GBF1: variants seen among roughly 807,000 people sequenced by gnomAD.
GBF1 encodes Golgi-specific brefeldin A-resistance guanine nucleotide exchange factor 1.
Under a neutral mutation model 210.5 loss-of-function variants are expected in GBF1, and 114 were observed. The observed-to-expected ratio is 0.54, with a 90% CI of 0.47 to 0.63. The LOEUF (loss-of-function observed/expected upper bound fraction) is 0.63. Among genes scored for constraint, GBF1 ranks in the 30% least tolerant of loss-of-function variants. The pLI is 0.00. For synonymous variants in GBF1, 850 were observed against 889.2 expected, an observed-to-expected ratio of 0.96 and a Z score of 0.78; for missense variants, 1,851 against 2,357.7, an observed-to-expected ratio of 0.79 and a Z score of 4.45.
intron 1 of GBF1, among the ~76,000 whole-genome samples, chr10:102,256,534 G>C (rs888692788): frequency 9.1e-5 from 8 of 88,360 alleles, no homozygotes; most frequent in African/African-American, 3.9e-4. Flanking sequence ...TTTTTTTTTT[G>C]GGATGGAGTC....
intron 3 of GBF1, among the ~76,000 whole-genome samples, chr10:102,308,201 T>TAAA (rs11440668): frequency 0.31 from 38,170 of 122,872 alleles, 6,619 homozygotes; most frequent in South Asian, 0.45. Flanking sequence ...TCACAGAAGC[T>TAAA]AAAAAAAAAA....
intron 3 of GBF1, among the ~76,000 whole-genome samples, chr10:102,284,719 A>C (rs2075798775): frequency 6.6e-6 from 1 of 152,140 alleles, no homozygotes; most frequent in African/African-American, 2.4e-5. Context: ...TAGTGCTGCT[A>C]GGGACATGTG....
chr10:102,313,249 T>C (rs2078639014), intron 3 of GBF1, among the ~76,000 whole-genome samples: 1 of 152,198 alleles, frequency 6.6e-6, no homozygotes, highest in Admixed American at 6.5e-5. Context: ...AACTACAAGT[T>C]TCATGTTCTT....
intron 3 of GBF1, among the ~76,000 whole-genome samples, chr10:102,286,947 G>A (rs2076001363): frequency 1.3e-5 from 2 of 152,110 alleles, no homozygotes; most frequent in Admixed American, 1.3e-4. Flanking sequence ...ATAATTACTG[G>A]GAGGGGACTG....
chr10:102,301,818 C>G (rs1413718222), intron 3 of GBF1, among the ~76,000 whole-genome samples: 1 of 144,508 alleles, frequency 6.9e-6, no homozygotes, highest in East Asian at 2.0e-4. Flanking sequence ...ACATCCCAGA[C>G]GATGGGCGGC....
intron 3 of GBF1, among the ~76,000 whole-genome samples, chr10:102,308,588 A>C (rs1456957966): frequency 1.3e-5 from 2 of 152,060 alleles, no homozygotes; most frequent in Admixed American, 6.6e-5. Flanking sequence ...ACATGGATGA[A>C]ATTGGAAATC....
intron 29 of GBF1, among the ~76,000 whole-genome samples, chr10:102,374,941 C>T (rs1054037644): frequency 2.6e-5 from 4 of 151,772 alleles, no homozygotes; most frequent in African/African-American, 9.7e-5. Context: ...GAGGCTGAGA[C>T]GGGAAGATCG....
At chr10:102,287,344 C>CTTTTTTTTTTTTTTTTTTT (rs763880492) in intron 3 of GBF1, among the ~76,000 whole-genome samples, 23 of 69,522 alleles carry the variant, frequency 3.3e-4, no homozygotes, top group African/African-American at 1.3e-3. Context: ...ATTTTATTTT[C>CTTTTTTTTTTTTTTTTTTT]TTTTTTTTTT....
intron 3 of GBF1, among the ~76,000 whole-genome samples, chr10:102,337,379 A>AC (rs2057839776): frequency 6.6e-6 from 1 of 150,716 alleles, no homozygotes; most frequent in Non-Finnish European, 1.5e-5. Flanking sequence ...CAAAAAAAAA[A>AC]AAAAAAACTA....
intron 1 of GBF1, among the ~76,000 whole-genome samples, chr10:102,249,779 C>T (rs2071278445): frequency 1.3e-5 from 2 of 151,614 alleles, no homozygotes; most frequent in Admixed American, 6.6e-5. Flanking sequence ...GCAACCTCCG[C>T]CTCCTGGGTT....
At chr10:102,300,980 T>TC (rs897895163) in intron 3 of GBF1, among the ~76,000 whole-genome samples, 16 of 150,838 alleles carry the variant, frequency 1.1e-4, no homozygotes, top group African/African-American at 2.7e-4. Flanking sequence ...TCTTTTCTTT[T>TC]TTTTTTTTTT....
intron 3 of GBF1, among the ~76,000 whole-genome samples, chr10:102,288,721 G>GT (rs2076174619): frequency 2.5e-5 from 2 of 79,980 alleles, no homozygotes; most frequent in Non-Finnish European, 2.9e-5. Flanking sequence ...CCGTCTCAAA[G>GT]GAAAAAAAAA....
intron 1 of GBF1, among the ~76,000 whole-genome samples, chr10:102,248,037 C>T (rs2071054243): frequency 6.6e-6 from 1 of 152,192 alleles, no homozygotes; most frequent in Admixed American, 6.5e-5. Flanking sequence ...AGACACAGCT[C>T]TTGCTTTTGA....
chr10:102,236,356 G>T, the GBF1 span, among the ~76,000 whole-genome samples: 1 of 152,338 alleles, frequency 6.6e-6, no homozygotes, highest in South Asian at 2.1e-4. Context: ...AGAGTCAGAA[G>T]ATAACAGTGA....
intron 3 of GBF1, among the ~76,000 whole-genome samples, chr10:102,302,062 A>T (rs1336660597): frequency 6.6e-6 from 1 of 152,250 alleles, no homozygotes; most frequent in Non-Finnish European, 1.5e-5. Flanking sequence ...TAGGAGCTGG[A>T]GACCAGCCCG....
intron 3 of GBF1, among the ~76,000 whole-genome samples, chr10:102,288,486 C>T (rs533125775): frequency 9.9e-5 from 15 of 151,148 alleles, no homozygotes; most frequent in Admixed American, 6.6e-4. Context: ...CCGAGGCGGG[C>T]GGATCATGAG....
intron 30 of GBF1, 88 bp downstream of exon 30, chr10:102,375,672 T>A: frequency 4.8e-6 from 4 of 830,426 alleles, no homozygotes; most frequent in Non-Finnish European, 7.9e-6. Flanking sequence ...CAGGTTACTG[T>A]GTTCAGCAGA....
At chr10:102,310,207 G>A (rs970593506) in intron 3 of GBF1, among the ~76,000 whole-genome samples, 1 of 152,196 alleles carries the variant, frequency 6.6e-6, no homozygotes, top group Non-Finnish European at 1.5e-5. Flanking sequence ...GTCAGTAGCT[G>A]AAAAAGACAA....
chr10:102,308,647 T>TTC (rs1565091559), intron 3 of GBF1, among the ~76,000 whole-genome samples: 1 of 150,546 alleles, frequency 6.6e-6, no homozygotes, highest in Non-Finnish European at 1.5e-5. Context: ...ACACCACATG[T>TTC]TCTCACTCAT....
Sources: allele counts gnomAD v4.1 joint callset (sites outside exome capture counted in the v4.1 genomes callset), GRCh38; gene constraint gnomAD v4.1.1; transcripts MANE v1.5; gene names NCBI Gene and HGNC (gene_info 2026-07-23, HGNC 2026-07-21).